The following LARP4B variants were observed in gnomAD, a reference collection of about 807,000 sequenced individuals.
The protein encoded by LARP4B is la-related protein 4B.
LARP4B carries 12 observed loss-of-function variants against 89.8 expected under a neutral mutation model. That is an observed-to-expected ratio of 0.13 (90% CI 0.09 to 0.22). The LOEUF (loss-of-function observed/expected upper bound fraction) is 0.22, where lower values mean the gene tolerates loss of function less well. LARP4B is among the 10% of genes least tolerant of loss of function. The probability of loss-of-function intolerance (pLI) is 1.00; values close to 1 mark genes in which losing one functional copy is unlikely to be tolerated. For missense variants in LARP4B, 757 were observed against 947.7 expected (o/e 0.80, Z 2.64); for synonymous variants, 367 against 363.3 (o/e 1.01, Z -0.12).
chr10:814,792 C>T lies in LARP4B; in HGVS notation c.1879G>A (p.Ala627Thr), dbSNP rs755096841. 1.7e-5 allele frequency: 28 copies of T among 1,604,450 alleles called. No homozygotes were observed. Among genetic ancestry groups the T allele is most frequent in the South Asian group, 1.3e-4 (12 of 90,090 alleles). Residue 627 changes from alanine (A) to threonine (T), a missense_variant, in exon 17 of 18, where the codon GCC becomes ACC. Ala to Thr is a moderately conservative substitution (Grantham distance 58, BLOSUM62 0). Around this residue, in one of 5 missense-constraint regions of LARP4B, gnomAD observed 387 missense variants for 423.6 expected, o/e 0.91. Transcript: ENST00000316157. The surrounding 1 kb of genome is among the most constrained non-coding windows in gnomAD (Gnocchi z 4.4). Reference protein sequence around the residue: ...ETHSVDRLPSALTATACKSVQ... With the variant: ...ETHSVDRLPSTLTATACKSVQ... The stretch of plus-strand genomic sequence containing the variant: ...GATTTACACGCGGTCGCAGTGAGGG[C>T]GGAAGGAAGTCTGTCCACACTGTGG...
intron 1 of LARP4B, among the ~76,000 whole-genome samples, chr10:896,478 CTAT>C (rs1418640522): frequency 1.3e-5 from 2 of 152,110 alleles, no homozygotes; most frequent in African/African-American, 4.8e-5. Context: ...AGCCAAGATT[CTAT>C]TAAGTCAGAC....
At chr10:937,630 G>A in the LARP4B span, among the ~76,000 whole-genome samples, 1 of 152,038 alleles carries the variant, frequency 6.6e-6, no homozygotes, top group South Asian at 2.1e-4. Flanking sequence ...CAGTTATATG[G>A]TATTCCGGCT....
the LARP4B span, among the ~76,000 whole-genome samples, chr10:938,522 G>C: frequency 6.6e-6 from 1 of 152,176 alleles, no homozygotes; most frequent in African/African-American, 2.4e-5. Flanking sequence ...CAAAGTGCTG[G>C]GATTACAGGC....
the LARP4B span, among the ~76,000 whole-genome samples, chr10:963,739 G>C: frequency 6.6e-6 from 1 of 152,202 alleles, no homozygotes; most frequent in African/African-American, 2.4e-5. Flanking sequence ...GGTTCCAGAG[G>C]CTGGGAAGTC....
chr10:807,470 G>A (rs191330187), downstream of LARP4B: 1 of 152,438 alleles, frequency 6.6e-6, no homozygotes, highest in East Asian at 1.9e-4. Context: ...GCTGTCTTCT[G>A]CATCTGCATC....
chr10:946,934 T>C, the LARP4B span, among the ~76,000 whole-genome samples: 1 of 152,134 alleles, frequency 6.6e-6, no homozygotes, highest in Non-Finnish European at 1.5e-5. Context: ...AGTGGCGCAA[T>C]TTTGGCTCGT....
chr10:861,027 G>A (rs150384252), intron 5 of LARP4B, among the ~76,000 whole-genome samples: 1 of 152,104 alleles, frequency 6.6e-6, no homozygotes, highest in African/African-American at 2.4e-5. Flanking sequence ...GTGGTGGTGG[G>A]CACCTGTAGT....
intron 1 of LARP4B, among the ~76,000 whole-genome samples, chr10:907,422 A>C (rs1173626340): frequency 2.0e-5 from 3 of 152,178 alleles, no homozygotes; most frequent in African/African-American, 7.2e-5. Context: ...GTTAATTTTC[A>C]TTTTCATTTT....
Position 899,694 on chromosome 10 carries a change from G to A in LARP4B, c.-39-13934C>T, listed in dbSNP as rs573206216. Reference sequence around the variant, plus strand: ...TAGGAACAATGAGTTAAGGGATGACGCATGAACAGAGATGGACAGCACAAG... The same window carrying A: ...TAGGAACAATGAGTTAAGGGATGACACATGAACAGAGATGGACAGCACAAG... On this transcript the variant is annotated intron_variant, in intron 1 of 17. Coordinates refer to ENST00000316157, the MANE Select transcript of LARP4B (RefSeq NM_015155.3). Among the ~76,000 whole-genome samples the A allele has an allele frequency of 3.1e-4, 47 of 152,268 alleles. 2 individuals carry two copies. Among genetic ancestry groups the A allele is most frequent in the Admixed American group, 1.6e-3 (25 of 15,296 alleles).
At chr10:932,867 C>A (rs946050204), upstream of LARP4B, among the ~76,000 whole-genome samples, 2 of 150,756 alleles carry the variant, frequency 1.3e-5, no homozygotes, top group Admixed American at 6.6e-5. Context: ...TCCCCAACCC[C>A]ACACCTGGGA....
the LARP4B span, among the ~76,000 whole-genome samples, chr10:960,407 G>A: frequency 2.6e-5 from 4 of 151,948 alleles, no homozygotes; most frequent in Non-Finnish European, 4.4e-5. Context: ...GGAGGGAGGC[G>A]CTGGGTATGG....
rs370420986 is a variant in LARP4B, at chr10:863,935, C to T, written c.290-52G>A. On this transcript the variant is annotated intron_variant, in intron 4 of 17. Coordinates refer to ENST00000316157, the MANE Select transcript of LARP4B (RefSeq NM_015155.3). ...GGCAGGGTTAGAAGCATAACTTTCTCTTAAAACAAAGCTTACACTTGCAGT... is the reference window on the plus strand; with the variant it reads ...GGCAGGGTTAGAAGCATAACTTTCTTTTAAAACAAAGCTTACACTTGCAGT... 1.4e-3 allele frequency: 2,285 copies of T among 1,581,820 alleles called. 2 individuals are homozygous for T. Among genetic ancestry groups the T allele is most frequent in the Non-Finnish European group, 1.8e-3 (2,146 of 1,166,930 alleles).
chr10:887,610 C>A (rs995416105), intron 1 of LARP4B, among the ~76,000 whole-genome samples: 1 of 151,876 alleles, frequency 6.6e-6, no homozygotes, highest in African/African-American at 2.4e-5. Flanking sequence ...ACTTGGGAGG[C>A]TGAGGCAGGA....
intron 1 of LARP4B, among the ~76,000 whole-genome samples, chr10:914,021 G>A (rs1227110240): frequency 3.9e-5 from 6 of 152,252 alleles, no homozygotes; most frequent in Non-Finnish European, 8.8e-5. Flanking sequence ...TTAAAGCCAT[G>A]TTATGTTAAT....
intron 1 of LARP4B, among the ~76,000 whole-genome samples, chr10:929,047 C>T (rs1264936232): frequency 6.6e-6 from 1 of 152,172 alleles, no homozygotes; most frequent in Non-Finnish European, 1.5e-5. Flanking sequence ...AACCAAATTA[C>T]ATTTCTCCCT....
intron 7 of LARP4B, 116 bp from the exon 8 acceptor site, chr10:836,622 G>C: frequency 1.5e-6 from 1 of 657,980 alleles, no homozygotes; most frequent in East Asian, 2.8e-5. Context: ...CCTGCAAATG[G>C]GCAAAGTAAA....
At chr10:821,067 G>A (rs1179668374) in intron 13 of LARP4B, 19 of 560,496 alleles carry the variant, frequency 3.4e-5, no homozygotes, top group Non-Finnish European at 4.4e-5. Context: ...CCAGGCAAGT[G>A]ATAAAGAACA....
chr10:928,727 T>C (rs1014160224), intron 1 of LARP4B, among the ~76,000 whole-genome samples: 3 of 152,102 alleles, frequency 2.0e-5, no homozygotes, highest in African/African-American at 7.2e-5. Context: ...ACTACAGGTG[T>C]GAGCCACCAT....
At chr10:851,261 G>A (rs34487581) in intron 5 of LARP4B, among the ~76,000 whole-genome samples, 16,497 of 144,544 alleles carry the variant, frequency 0.11, 1,137 homozygotes, top group Non-Finnish European at 0.16. Flanking sequence ...CTGGCTCACT[G>A]CAACCTACGT....
Sources: allele counts gnomAD v4.1 joint callset (sites outside exome capture counted in the v4.1 genomes callset), GRCh38; gene constraint gnomAD v4.1.1; regional missense constraint gnomAD v4.1.1; non-coding constraint Gnocchi (gnomAD v3.1); transcripts MANE v1.5; gene names NCBI Gene and HGNC (gene_info 2026-07-23, HGNC 2026-07-21).